Variants in RFX4 observed in about 807,000 individuals in gnomAD.
The protein encoded by RFX4 is transcription factor RFX4.
In RFX4, 10 loss-of-function variants were observed where a neutral mutation model predicts 95.0. That is an observed-to-expected ratio of 0.11 (90% confidence interval 0.06 to 0.18). The LOEUF is 0.18. Ranked by LOEUF, RFX4 falls within the 10% of genes least tolerant of loss-of-function variation. The pLI is 1.00. For synonymous variants in RFX4, 321 were observed against 340.7 expected, an observed-to-expected ratio of 0.94 and a Z score of 0.64; for missense variants, 640 against 922.0, an observed-to-expected ratio of 0.69 and a Z score of 3.96.
At chr12:106,655,833 T>C (rs1418496800) in intron 4 of RFX4, among the ~76,000 whole-genome samples, 1 of 152,234 alleles carries the variant, frequency 6.6e-6, no homozygotes, top group East Asian at 1.9e-4. Context: ...AGTCATCCAA[T>C]AACTCAGACA....
intron 4 of RFX4, among the ~76,000 whole-genome samples, chr12:106,667,330 T>C (rs1217280816): frequency 1.3e-5 from 2 of 152,180 alleles, no homozygotes; most frequent in East Asian, 3.8e-4. Flanking sequence ...CCCCAGCAGA[T>C]TAGGCTCTGG....
intron 1 of RFX4, among the ~76,000 whole-genome samples, chr12:106,602,031 G>A (rs538809988): frequency 6.6e-6 from 1 of 152,264 alleles, no homozygotes; most frequent in Admixed American, 6.5e-5. Context: ...AAACACTCCT[G>A]GTACCTGCTT....
chr12:106,651,377 A>C (rs2040853632), intron 3 of RFX4, among the ~76,000 whole-genome samples: 1 of 152,196 alleles, frequency 6.6e-6, no homozygotes, highest in South Asian at 2.1e-4. Flanking sequence ...CTCATGCCAT[A>C]CGGTTATTGT....
chr12:106,646,779 G>C (rs920782032), intron 3 of RFX4, among the ~76,000 whole-genome samples: 6 of 152,122 alleles, frequency 3.9e-5, no homozygotes, highest in Non-Finnish European at 8.8e-5. Flanking sequence ...ATTTAAAGAG[G>C]AGGAAACCAA....
chr12:106,720,770 G>A lies in RFX4; in HGVS notation c.1245G>A (p.Lys415=), dbSNP rs73391388. The change falls in exon 13 of 18, where the codon AAG becomes AAA. Residue 415 remains lysine (K), a synonymous_variant. Transcript: ENST00000392842. The surrounding 1 kb of genome is among the most constrained non-coding windows in gnomAD (Gnocchi z 4.2). ...TTACTTTCTTGTAGGTGGCTGCCAAGAGACAAGGGTCCTTGAAGAAAGTGG... is the reference window on the plus strand; with the variant it reads ...TTACTTTCTTGTAGGTGGCTGCCAAAAGACAAGGGTCCTTGAAGAAAGTGG... ...VDRCVVKVAA[K]RQGSLKKVAQ... is the part of the protein sequence containing the mutation. 3,789 of 1,614,052 alleles carry A rather than the reference G, an allele frequency of 2.3e-3. 78 individuals carry two copies. In the African/African-American group the frequency reaches 0.043, roughly 18 times the overall value.
chr12:106,743,041 G>A (rs1298643084), intron 15 of RFX4, among the ~76,000 whole-genome samples: 1 of 152,166 alleles, frequency 6.6e-6, no homozygotes, highest in Non-Finnish European at 1.5e-5. Flanking sequence ...GATGGGAGGG[G>A]AAGAAAATGT....
At chr12:106,591,134 T>C (rs185109873) in intron 1 of RFX4, among the ~76,000 whole-genome samples, 1 of 152,118 alleles carries the variant, frequency 6.6e-6, no homozygotes, top group Non-Finnish European at 1.5e-5. Flanking sequence ...TCTCTTCTTC[T>C]TTCTTTCTTT....
chr12:106,608,429 C>A (rs1389091880), intron 1 of RFX4, among the ~76,000 whole-genome samples: 1 of 152,210 alleles, frequency 6.6e-6, no homozygotes, highest in Non-Finnish European at 1.5e-5. Flanking sequence ...ACCAGTGGTT[C>A]AGTTGGCCAA....
At chr12:106,713,889 G>A (rs1245827910) in intron 10 of RFX4, among the ~76,000 whole-genome samples, 3 of 151,670 alleles carry the variant, frequency 2.0e-5, no homozygotes, top group Non-Finnish European at 2.9e-5. Context: ...CCAATATGTC[G>A]AAACCCTGTC....
At chr12:106,689,394 C>A in intron 7 of RFX4, 30 bp downstream of exon 7, 1 of 1,549,394 alleles carries the variant, frequency 6.5e-7, no homozygotes, top group Non-Finnish European at 8.9e-7. Flanking sequence ...GCTGTGAATA[C>A]TCGGTATTAA....
At chr12:106,608,485 A>G (rs1472817961) in intron 1 of RFX4, among the ~76,000 whole-genome samples, 2 of 152,246 alleles carry the variant, frequency 1.3e-5, no homozygotes, top group Non-Finnish European at 2.9e-5. Flanking sequence ...TTCTTTGCTC[A>G]GAAAGATAAT....
Position 106,715,412 on chromosome 12 carries a change from G to C in RFX4, c.1006G>C (p.Val336Leu), listed in dbSNP as rs930899525. Residue 336 changes from valine (V) to leucine (L), a missense_variant, in exon 11 of 18, where the codon GTG becomes CTG. Physicochemically the swap from Val to Leu is conservative, Grantham distance 32 (BLOSUM62 1). Transcript: ENST00000392842. ...GATTGGATTATAGGCATCTCGAACA[G>C]TGATCCACAGTGCAGACATCACGTT... The part of the protein sequence containing the change: ...LNHLCQASRT[V>L]IHSADITFQM... 3 of 1,614,040 alleles carry C rather than the reference G, an allele frequency of 1.9e-6. No homozygotes were observed. The highest frequency in any genetic ancestry group is 2.5e-6 in the Non-Finnish European group (3 of 1,180,024).
intron 1 of RFX4, among the ~76,000 whole-genome samples, chr12:106,607,339 A>G (rs2039857704): frequency 6.6e-6 from 1 of 152,220 alleles, no homozygotes; most frequent in Non-Finnish European, 1.5e-5. Flanking sequence ...ACAGTTTTGC[A>G]CGTGTTAAAT....
chr12:106,611,710 A>C (rs1453797483), intron 2 of RFX4, among the ~76,000 whole-genome samples: 1 of 151,710 alleles, frequency 6.6e-6, no homozygotes, highest in Non-Finnish European at 1.5e-5. Flanking sequence ...ACAGGGTTTC[A>C]CCATGTTGGT....
intron 8 of RFX4, among the ~76,000 whole-genome samples, chr12:106,700,409 T>C (rs9971889): frequency 0.1 from 14,567 of 139,746 alleles, 784 homozygotes; most frequent in African/African-American, 0.17. Context: ...TTTTCTTTTT[T>C]TTTTTTTTTT....
rs11615871 is a variant in RFX4, at chr12:106,651,064, C to A, written c.192-3164C>A. On this transcript the variant is annotated intron_variant, in intron 3 of 17. Coordinates refer to ENST00000392842, the MANE Select transcript of RFX4 (RefSeq NM_213594.3). ...TGGGTGCTAAATTCTTAAGCCAAATCATATCCATTTGTGTGGCATTTAAAG... is the reference window on the plus strand; with the variant it reads ...TGGGTGCTAAATTCTTAAGCCAAATAATATCCATTTGTGTGGCATTTAAAG... Among the ~76,000 whole-genome samples, 1,164 of 152,250 alleles carry A rather than the reference C, an allele frequency of 7.6e-3. 6 individuals carry two copies. Among genetic ancestry groups the A allele is most frequent in the Non-Finnish European group, 0.013 (874 of 68,014 alleles).
intron 8 of RFX4, among the ~76,000 whole-genome samples, chr12:106,700,650 C>T (rs550421736): frequency 2.0e-5 from 3 of 152,016 alleles, no homozygotes; most frequent in African/African-American, 7.2e-5. Flanking sequence ...TCGTGATCCG[C>T]CCGCCTCGGC....
In RFX4 at chr12:106,603,810, A is replaced by G. The variant is rs2039764087; in HGVS notation, c.44-4987A>G. Among the ~76,000 whole-genome samples the G allele has an allele frequency of 2.0e-5, 3 of 152,236 alleles. No homozygotes were observed. The South Asian group carries it at 6.2e-4, about 31-fold the overall frequency. Reference sequence around the variant, plus strand: ...AGCCTAACTTTCCATATCTATAAATAGAGATATGAAAACATAACATGTAAT... The same window carrying G: ...AGCCTAACTTTCCATATCTATAAATGGAGATATGAAAACATAACATGTAAT... On this transcript the variant is annotated intron_variant, in intron 1 of 17. Transcript: ENST00000392842.
intron 1 of RFX4, chr12:106,583,656 G>T (rs555826358): frequency 3.2e-4 from 95 of 293,532 alleles, no homozygotes; most frequent in Admixed American, 5.7e-4. Context: ...AAGATGCGCT[G>T]GCTCGCGGCG....
Sources: gnomAD v4.1 joint callset for allele counts (sites outside exome capture counted in the v4.1 genomes callset) on GRCh38, gnomAD v4.1.1 for gene constraint, Gnocchi (gnomAD v3.1) non-coding constraint, MANE v1.5 for transcripts, NCBI Gene and HGNC (gene_info 2026-07-23, HGNC 2026-07-21) for gene names.